Variants in TFEC observed in about 807,000 individuals in gnomAD.
TFEC encodes the protein class E basic helix-loop-helix protein 34.
A neutral mutation model predicts 41.6 loss-of-function variants in TFEC; 31 were observed. The observed-to-expected ratio is 0.74, with a 90% confidence interval of 0.56 to 1.01. The LOEUF (loss-of-function observed/expected upper bound fraction) is 1.01. Ranked by LOEUF, TFEC falls within the 50% of genes least tolerant of loss-of-function variation. The pLI, the probability that TFEC is intolerant of heterozygous loss-of-function variation, is 0.00. For missense variants in TFEC, 402 were observed against 404.1 expected (o/e 0.99, Z 0.04); for synonymous variants, 143 against 140.6 (o/e 1.02, Z -0.12).
At chr7:116,120,186 T>C (rs1798080875) in intron 1 of TFEC, 1 of 151,958 alleles carries the variant, frequency 6.6e-6, no homozygotes, top group Non-Finnish European at 1.5e-5. Flanking sequence ...GCTTGTTCTG[T>C]GTTTGTAGAA....
chr7:115,991,439 T>A (rs1258372346), intron 1 of TFEC, among the ~76,000 whole-genome samples: 1 of 152,052 alleles, frequency 6.6e-6, no homozygotes, highest in Non-Finnish European at 1.5e-5. Flanking sequence ...GCAAATTGGA[T>A]AAAGAGTCAA....
chr7:116,102,427 T>C (rs555992315), intron 3 of TFEC, among the ~76,000 whole-genome samples: 69 of 152,266 alleles, frequency 4.5e-4, no homozygotes, highest in Non-Finnish European at 5.3e-4. Context: ...TAGAGAAAGA[T>C]TGGATAGGAA....
intron 3 of TFEC, among the ~76,000 whole-genome samples, chr7:116,109,838 A>G (rs1317813101): frequency 1.3e-5 from 2 of 152,222 alleles, no homozygotes; most frequent in Non-Finnish European, 2.9e-5. Context: ...ATGTCCATCA[A>G]TGATAGATCG....
upstream of TFEC, among the ~76,000 whole-genome samples, chr7:116,033,948 G>A (rs2130901441): frequency 6.6e-6 from 1 of 152,154 alleles, no homozygotes; most frequent in Admixed American, 6.6e-5. Flanking sequence ...GTAAGGCTTT[G>A]TGCTCCACCA....
intron 1 of TFEC, among the ~76,000 whole-genome samples, chr7:116,148,896 G>A (rs1233658293): frequency 1.3e-5 from 2 of 149,546 alleles, no homozygotes; most frequent in African/African-American, 4.9e-5. Context: ...AAGGACTGTA[G>A]ATACAGAAAA....
At chr7:116,086,830 G>A (rs1197771774) in intron 3 of TFEC, among the ~76,000 whole-genome samples, 1 of 151,876 alleles carries the variant, frequency 6.6e-6, no homozygotes, top group Non-Finnish European at 1.5e-5. Context: ...AATGGAAATT[G>A]TATAATTATG....
chr7:115,943,828 A>G (rs1055267107), intron 6 of TFEC, among the ~76,000 whole-genome samples: 1 of 151,496 alleles, frequency 6.6e-6, no homozygotes, highest in African/African-American at 2.4e-5. Flanking sequence ...AAAAGCCTGA[A>G]TGCATTTACA....
At chr7:116,043,385 C>G (rs1796086695) in intron 3 of TFEC, among the ~76,000 whole-genome samples, 1 of 151,682 alleles carries the variant, frequency 6.6e-6, no homozygotes, top group Non-Finnish European at 1.5e-5. Flanking sequence ...TTTTTTAAAC[C>G]TATATGAACT....
At chr7:115,982,026 G>T (rs952769610) in intron 2 of TFEC, among the ~76,000 whole-genome samples, 1 of 152,088 alleles carries the variant, frequency 6.6e-6, no homozygotes, top group Non-Finnish European at 1.5e-5. Context: ...GTTACAAAAT[G>T]CTTCTTTTGA....
rs1395289539 is a variant in TFEC at position 115,984,641 on chromosome 7, G to A, written c.-72-128C>T. Reference sequence around the variant, plus strand: ...GCATCTAGTTTCTCTCCAATCTATCGTCCATACTTCTGTCATAAGTTACAT... The same window carrying A: ...GCATCTAGTTTCTCTCCAATCTATCATCCATACTTCTGTCATAAGTTACAT... On this transcript the variant is annotated intron_variant, in intron 1 of 7. Coordinates refer to ENST00000265440, the MANE Select transcript of TFEC (RefSeq NM_012252.4). The A allele has an allele frequency of 1.2e-5, 13 of 1,108,666 alleles. No individual in the cohort carries two copies. The East Asian group carries it at 1.3e-4, about 11-fold the overall frequency. The allele number at this position is 1,108,666 out of a possible 1,614,324, so 68.7% of individuals were successfully genotyped here.
In TFEC at chr7:115,980,932, TAA is replaced by T. The variant is rs201694211; in HGVS notation, c.180+3328_180+3329del. 3.5e-3 allele frequency among the ~76,000 whole-genome samples: 533 copies of T among 152,286 alleles called. 1 individual carries two copies. Among genetic ancestry groups the T allele is most frequent in the African/African-American group, 0.012 (516 of 41,570 alleles). ...TAATATTCTATGTTGTTAATAATTA[TAA>T]GACATAATTGCATAAGATTATATGA... On this transcript the variant is annotated intron_variant, in intron 2 of 7. Transcript: ENST00000265440.
intron 3 of TFEC, among the ~76,000 whole-genome samples, chr7:116,103,732 T>C (rs539463164): frequency 1.3e-4 from 20 of 152,234 alleles, no homozygotes; most frequent in East Asian, 5.8e-4. Flanking sequence ...GACACGCATA[T>C]TTAAAAGATA....
intron 3 of TFEC, among the ~76,000 whole-genome samples, chr7:115,965,222 A>C (rs2130521994): frequency 6.6e-6 from 1 of 151,840 alleles, no homozygotes; most frequent in Middle Eastern, 3.4e-3. Context: ...ACCTACAAAA[A>C]TTCTACCACG....
intron 1 of TFEC, among the ~76,000 whole-genome samples, chr7:116,149,885 C>G (rs1192670840): frequency 6.6e-6 from 1 of 152,098 alleles, no homozygotes; most frequent in African/African-American, 2.4e-5. Flanking sequence ...CATCACTGGA[C>G]TCAGCTATTA....
At chr7:115,995,918 C>T (rs1794348893) in intron 1 of TFEC, among the ~76,000 whole-genome samples, 2 of 152,174 alleles carry the variant, frequency 1.3e-5, no homozygotes, top group African/African-American at 2.4e-5. Context: ...ATTGTCCATT[C>T]CAGTGGTCAG....
chr7:116,055,086 C>A (rs1041389073), intron 3 of TFEC, among the ~76,000 whole-genome samples: 1 of 152,066 alleles, frequency 6.6e-6, no homozygotes, highest in African/African-American at 2.4e-5. Context: ...TGCCAGTGGG[C>A]AAGCTCCCTG....
intron 2 of TFEC, among the ~76,000 whole-genome samples, chr7:115,979,079 T>C (rs1793510619): frequency 6.6e-6 from 1 of 152,142 alleles, no homozygotes; most frequent in Admixed American, 6.6e-5. Flanking sequence ...CAACATGTTT[T>C]AAGGGAGAGT....
intron 2 of TFEC, among the ~76,000 whole-genome samples, chr7:115,976,978 G>GTGCCTT (rs1007033557): frequency 7.2e-4 from 109 of 152,216 alleles, no homozygotes; most frequent in African/African-American, 2.5e-3. Flanking sequence ...TTTGGAGGCT[G>GTGCCTT]TGCCTTTGCC....
At chr7:115,960,999 A>G (rs1792515440) in intron 3 of TFEC, among the ~76,000 whole-genome samples, 1 of 151,648 alleles carries the variant, frequency 6.6e-6, no homozygotes, top group Admixed American at 6.6e-5. Flanking sequence ...CAGATATGTG[A>G]AACAAAATGT....
Sources: allele counts gnomAD v4.1 joint callset (sites outside exome capture counted in the v4.1 genomes callset), GRCh38; gene constraint gnomAD v4.1.1; transcripts MANE v1.5; gene names NCBI Gene and HGNC (gene_info 2026-07-23, HGNC 2026-07-21).